Variants in PSMA1 observed in about 807,000 individuals in gnomAD.
PSMA1 encodes the protein proteasome 20S subunit alpha 1, also known as proteasome subunit alpha type-1.
A neutral mutation model predicts 38.4 loss-of-function variants in PSMA1; 3 were observed. The observed-to-expected ratio is 0.08, with a 90% confidence interval of 0.04 to 0.20. The LOEUF is 0.20. PSMA1 is among the 10% of genes least tolerant of loss of function. The probability of loss-of-function intolerance (pLI) is 1.00; values close to 1 mark genes in which losing one functional copy is unlikely to be tolerated. For missense variants in PSMA1, 227 were observed against 325.3 expected, an observed-to-expected ratio of 0.70 and a Z score of 2.32; for synonymous variants, 101 against 107.1, an observed-to-expected ratio of 0.94 and a Z score of 0.35.
intron 2 of PSMA1, among the ~76,000 whole-genome samples, chr11:14,557,823 T>G (rs777154793): frequency 6.6e-6 from 1 of 152,136 alleles, no homozygotes; most frequent in African/African-American, 2.4e-5. Context: ...GATCTGGGGA[T>G]CTAAACGGTC....
At chr11:14,533,762 T>C (rs2134160752) in intron 2 of PSMA1, among the ~76,000 whole-genome samples, 1 of 152,048 alleles carries the variant, frequency 6.6e-6, no homozygotes, top group Admixed American at 6.6e-5. Context: ...CTCCCTCTTC[T>C]CATTTCACAA....
chr11:14,585,182 C>T (rs1234692192), intron 2 of PSMA1, among the ~76,000 whole-genome samples: 1 of 152,162 alleles, frequency 6.6e-6, no homozygotes, highest in Non-Finnish European at 1.5e-5. Context: ...CCTATACTAT[C>T]CAGGCCTAGC....
At position 14,616,960 on chromosome 11, in the gene PSMA1, G is replaced by A. The variant is rs552026318; in HGVS notation, c.-165-5809C>T. Among the ~76,000 whole-genome samples the A allele has an allele frequency of 3.9e-5, 6 of 152,260 alleles. No individual in the cohort carries two copies. The South Asian group carries it at 8.3e-4, about 21-fold the overall frequency. ...TGTCGTTTGTATCTATGAACAAAAG[G>A]GATTCCTAATAGTGAACCCCTAGTC... is the stretch of plus-strand genomic sequence containing the variant. On this transcript the variant is annotated intron_variant, in intron 1 of 10. Transcript: ENST00000418988.
intron 1 of PSMA1, among the ~76,000 whole-genome samples, chr11:14,632,132 T>C (rs1853026009): frequency 7.0e-6 from 1 of 142,394 alleles, no homozygotes; most frequent in Non-Finnish European, 1.5e-5. Flanking sequence ...TTTGCCAGTC[T>C]GTGTCTTTTA....
At chr11:14,575,208 T>A (rs1460246471) in intron 2 of PSMA1, among the ~76,000 whole-genome samples, 1 of 152,108 alleles carries the variant, frequency 6.6e-6, no homozygotes, top group Non-Finnish European at 1.5e-5. Context: ...GGGGAGATGA[T>A]TTAGGGTATC....
intron 2 of PSMA1, among the ~76,000 whole-genome samples, chr11:14,562,969 T>C (rs559064322): frequency 6.6e-5 from 10 of 152,328 alleles, no homozygotes; most frequent in African/African-American, 2.2e-4. Context: ...TGAATTAATA[T>C]GGAAAGTGTT....
intron 7 of PSMA1, among the ~76,000 whole-genome samples, chr11:14,511,327 C>T (rs1310913986): frequency 2.6e-5 from 4 of 151,760 alleles, no homozygotes; most frequent in Non-Finnish European, 1.5e-5. Flanking sequence ...CCAGTATTAC[C>T]GATAACAAGA....
chr11:14,556,857 TG>T (rs746268806), intron 2 of PSMA1, among the ~76,000 whole-genome samples: 1 of 152,178 alleles, frequency 6.6e-6, no homozygotes, highest in South Asian at 2.1e-4. Flanking sequence ...TCTATAGAAC[TG>T]GGGGACTTGC....
intron 2 of PSMA1, among the ~76,000 whole-genome samples, chr11:14,573,416 T>C (rs1852172181): frequency 6.6e-6 from 1 of 152,160 alleles, no homozygotes; most frequent in Non-Finnish European, 1.5e-5. Flanking sequence ...AAAAACCACA[T>C]GATTATCTCA....
intron 2 of PSMA1, among the ~76,000 whole-genome samples, chr11:14,606,330 C>G (rs1354387972): frequency 1.3e-5 from 2 of 151,796 alleles, no homozygotes; most frequent in Non-Finnish European, 2.9e-5. Context: ...TCAGGATGAT[C>G]ACCTGGGCCC....
chr11:14,536,353 C>A (rs1851707402), intron 2 of PSMA1, among the ~76,000 whole-genome samples: 1 of 151,910 alleles, frequency 6.6e-6, no homozygotes, highest in African/African-American at 2.4e-5. Flanking sequence ...ATGGCGAAAC[C>A]CCGTCTTTAC....
intron 2 of PSMA1, among the ~76,000 whole-genome samples, chr11:14,578,550 T>G (rs960764674): frequency 1.3e-5 from 2 of 152,188 alleles, no homozygotes; most frequent in African/African-American, 4.8e-5. Context: ...TGCAACTCAT[T>G]AATATGATGG....
intron 2 of PSMA1, among the ~76,000 whole-genome samples, chr11:14,533,319 T>G (rs1851669598): frequency 6.6e-6 from 1 of 152,210 alleles, no homozygotes; most frequent in Non-Finnish European, 1.5e-5. Flanking sequence ...GATTTGGTGC[T>G]GGGATTCCCT....
chr11:14,535,630 G>C (rs868053832), intron 2 of PSMA1, among the ~76,000 whole-genome samples: 3 of 151,620 alleles, frequency 2.0e-5, no homozygotes, highest in Non-Finnish European at 4.4e-5. Context: ...TTTTAGTAGA[G>C]ACGGGGGTTT....
At chr11:14,565,354 T>C (rs765745089) in intron 2 of PSMA1, among the ~76,000 whole-genome samples, 3 of 152,206 alleles carry the variant, frequency 2.0e-5, no homozygotes, top group Non-Finnish European at 4.4e-5. Flanking sequence ...CTTAGTTTTG[T>C]TAATTTTCTC....
At chr11:14,550,556 T>C (rs1444016855) in intron 2 of PSMA1, among the ~76,000 whole-genome samples, 1 of 152,040 alleles carries the variant, frequency 6.6e-6, no homozygotes, top group East Asian at 1.9e-4. Context: ...AAGACCTTAT[T>C]AGTAATGATG....
At chr11:14,615,907 C>T (rs962660422) in intron 1 of PSMA1, among the ~76,000 whole-genome samples, 5 of 152,064 alleles carry the variant, frequency 3.3e-5, no homozygotes, top group Non-Finnish European at 7.4e-5. Context: ...TTGCAAAGAC[C>T]GCAGTAGGAC....
intron 6 of PSMA1, 41 bp from the exon 7 acceptor site, chr11:14,513,740 GGTT>G (rs1589978594): frequency 6.5e-7 from 1 of 1,546,694 alleles, no homozygotes; most frequent in Non-Finnish European, 8.7e-7. Flanking sequence ...TATTTACTTT[GGTT>G]GAACTAAAAA....
chr11:14,614,890 TTAAAC>T (rs1852752928), intron 1 of PSMA1, among the ~76,000 whole-genome samples: 1 of 152,342 alleles, frequency 6.6e-6, no homozygotes, highest in African/African-American at 2.4e-5. Context: ...TTTTTCTAAC[TTAAAC>T]TATGCTCATG....
Sources: gnomAD v4.1 joint callset for allele counts (sites outside exome capture counted in the v4.1 genomes callset) on GRCh38, gnomAD v4.1.1 for gene constraint, MANE v1.5 for transcripts, NCBI Gene and HGNC (gene_info 2026-07-23, HGNC 2026-07-21) for gene names.